Variants in NMD3 observed in about 807,000 individuals in gnomAD.
The protein encoded by NMD3 is 60S ribosomal export protein NMD3.
NMD3 carries 47 observed loss-of-function variants against 73.1 expected under a neutral mutation model. That is an observed-to-expected ratio of 0.64 (90% CI 0.51 to 0.82). NMD3 has a LOEUF of 0.82. Among genes scored for constraint, NMD3 ranks in the 40% least tolerant of loss-of-function variants. The pLI, the probability that NMD3 is intolerant of heterozygous loss-of-function variation, is 0.00. For missense variants in NMD3, 554 were observed against 612.5 expected, an observed-to-expected ratio of 0.90 and a Z score of 1.01; for synonymous variants, 210 against 194.5, an observed-to-expected ratio of 1.08 and a Z score of -0.66.
intron 11 of NMD3, among the ~76,000 whole-genome samples, chr3:161,243,604 A>G (rs1468597627): frequency 6.6e-6 from 1 of 152,120 alleles, no homozygotes; most frequent in Non-Finnish European, 1.5e-5. Context: ...CAACTAGTGC[A>G]TTTATCTTGT....
intron 7 of NMD3, 148 bp from the exon 8 acceptor site, chr3:161,237,965 G>A (rs1736828319): frequency 2.1e-6 from 1 of 482,160 alleles, no homozygotes; most frequent in Admixed American, 4.0e-5. Flanking sequence ...AGTCTTAAGT[G>A]ATATCTCTAA....
chr3:161,235,790 C>G (rs1026127476), intron 7 of NMD3, among the ~76,000 whole-genome samples: 9 of 152,044 alleles, frequency 5.9e-5, no homozygotes, highest in Admixed American at 3.9e-4. Context: ...ACCATTTCAT[C>G]TAGCTTTTTA....
chr3:161,252,990 G>T, downstream of NMD3: 1 of 346,740 alleles, frequency 2.9e-6, no homozygotes, highest in Non-Finnish European at 5.3e-6. Flanking sequence ...CCAGCTACTC[G>T]GGACGCTGAG....
chr3:161,235,229 A>T lies in NMD3; in HGVS notation c.577+17A>T, dbSNP rs767236047. 1.6e-6 allele frequency: 2 copies of T among 1,213,714 alleles called. No individual in the cohort carries two copies. The highest frequency in any genetic ancestry group is 4.5e-5 in the Admixed American group (2 of 44,880). 75.2% of individuals were successfully genotyped at this position (1,213,714 alleles called of 1,614,324 possible). A position where few individuals can be genotyped will look rare whatever the true frequency, so the allele number is the denominator to read the frequency against. On this transcript the variant is annotated intron_variant, in intron 7 of 15. Transcript: ENST00000351193. ...AGATTCATGGTGAGTTAAAACTCAA[A>T]AGCATTTGAAATTATGTCAGATTTT...
chr3:161,228,235 A>C (rs1736399532), intron 4 of NMD3, among the ~76,000 whole-genome samples: 1 of 152,168 alleles, frequency 6.6e-6, no homozygotes, highest in African/African-American at 2.4e-5. Flanking sequence ...AGCTCTAATA[A>C]AATTTCATGT....
rs781518343 is a variant in NMD3 at position 161,224,980 on chromosome 3, G to A, written c.95G>A (p.Cys32Tyr). The change falls in exon 3 of 16, where the codon TGT becomes TAT. Residue 32 changes from cysteine (C) to tyrosine (Y), a missense_variant. By Grantham distance (194) the Cys-to-Tyr change is radical. Transcript: ENST00000351193. The part of the protein sequence containing the change: ...VPISPNPANI[C>Y]VACLRSKVDI... The stretch of plus-strand genomic sequence containing the variant: ...ATAAGTCCAAATCCTGCCAATATTT[G>A]TGTGGCCTGTTTGCGAAGTAAAGTG... 6.2e-7 allele frequency: 1 copy of A among 1,613,920 alleles called. No individual in the cohort carries two copies. The highest frequency in any genetic ancestry group is 8.5e-7 in the Non-Finnish European group (1 of 1,179,930).
In NMD3 at chr3:161,250,686, A is replaced by C. The variant is rs1275228957; in HGVS notation, c.1382-94A>C. ...ACAATGTAGTTACATAATAATAATG[A>C]TAAGGTAGATATTTGTATATTTTCA... On this transcript the variant is annotated intron_variant, in intron 15 of 15. Coordinates refer to ENST00000351193, the MANE Select transcript of NMD3 (RefSeq NM_015938.5). The C allele has an allele frequency of 1.2e-5, 9 of 736,504 alleles. No individual in the cohort carries two copies. In the East Asian group the frequency reaches 2.5e-4, roughly 21 times the overall value. 45.6% of individuals were successfully genotyped at this position (736,504 alleles called of 1,614,324 possible).
intron 13 of NMD3, among the ~76,000 whole-genome samples, chr3:161,248,919 A>C (rs944977532): frequency 6.6e-6 from 1 of 152,194 alleles, no homozygotes; most frequent in Non-Finnish European, 1.5e-5. Flanking sequence ...GCGTGGTTGG[A>C]GTGTAAGTCT....
Position 161,249,313 on chromosome 3 carries a change from G to A in NMD3, c.1204-141G>A, listed in dbSNP as rs571527397. 5.7e-5 allele frequency: 29 copies of A among 507,234 alleles called. 2 individuals carry two copies. In the South Asian group the frequency reaches 1.2e-3, roughly 21 times the overall value. The allele number at this position is 507,234 out of a possible 1,614,324, so 31.4% of individuals were successfully genotyped here. On this transcript the variant is annotated intron_variant, in intron 13 of 15. Transcript: ENST00000351193. ...GGAGAAAAATTTTAAAAGTCCTCTT[G>A]ACACTGTCTCTCCATCCCTTCTCCT...
chr3:161,253,530 T>C (rs150180626), downstream of NMD3: 41 of 149,142 alleles, frequency 2.7e-4, no homozygotes, highest in African/African-American at 9.8e-4. Context: ...AATGCAGACA[T>C]GATGCTTCTT....
rs748045043 is a variant in NMD3, at chr3:161,235,181, T to G, written c.546T>G (p.His182Gln). 12 of 1,555,694 alleles carry G rather than the reference T, an allele frequency of 7.7e-6. No individual in the cohort carries two copies. Among genetic ancestry groups the G allele is most frequent in the Non-Finnish European group, 1.1e-5 (12 of 1,137,952 alleles). The change falls in exon 7 of 16, where the codon CAT (histidine) becomes CAG (glutamine). Residue 182 changes from histidine to glutamine, a missense_variant. By Grantham distance (24) the His-to-Gln change is conservative. Coordinates refer to ENST00000351193, the MANE Select transcript of NMD3 (RefSeq NM_015938.5). ...AGTTAATTCTGAAATATGGAATGCATCAGAATACACTTCGTATCAAAGAGA... is the reference window on the plus strand; with the variant it reads ...AGTTAATTCTGAAATATGGAATGCAGCAGAATACACTTCGTATCAAAGAGA... ...LEQLILKYGM[H>Q]QNTLRIKEIH...
chr3:161,244,653 T>C (rs1339980202), intron 11 of NMD3, among the ~76,000 whole-genome samples: 1 of 150,612 alleles, frequency 6.6e-6, no homozygotes, highest in Non-Finnish European at 1.5e-5. Context: ...TTTTTTTTTT[T>C]TTTTAAAGAG....
chr3:161,250,101 G>A (rs1053414228), intron 14 of NMD3, among the ~76,000 whole-genome samples, 155 bp from the exon 15 acceptor site: 3 of 152,090 alleles, frequency 2.0e-5, no homozygotes, highest in African/African-American at 4.8e-5. Flanking sequence ...TGAAGACACC[G>A]ATGTCTAAAA....
At chr3:161,233,232 G>A (rs1021891165) in intron 4 of NMD3, among the ~76,000 whole-genome samples, 167 bp from the exon 5 acceptor site, 2 of 151,070 alleles carry the variant, frequency 1.3e-5, no homozygotes, top group Non-Finnish European at 2.9e-5. Context: ...TGCTGCTGTT[G>A]TTACGTAACC....
In NMD3 at chr3:161,221,833, A is replaced by C. The variant is rs1576837745; in HGVS notation, c.-20-161A>C. 5.9e-6 allele frequency: 3 copies of C among 507,676 alleles called. No individual in the cohort carries two copies. In the East Asian group the frequency reaches 9.3e-5, roughly 16 times the overall value. 31.4% of individuals were successfully genotyped at this position (507,676 alleles called of 1,614,324 possible). On this transcript the variant is annotated intron_variant, in intron 1 of 15. Coordinates refer to ENST00000351193, the MANE Select transcript of NMD3 (RefSeq NM_015938.5). ...AAAGTTCTTTTTAACGAACTTACCC[A>C]GTGGAGTTGGGTTTCCTTCTTTCCT...
chr3:161,243,759 T>G (rs1737083173), intron 11 of NMD3, among the ~76,000 whole-genome samples: 1 of 152,218 alleles, frequency 6.6e-6, no homozygotes, highest in Non-Finnish European at 1.5e-5. Context: ...GCCAGAATAT[T>G]TCAGAGATGA....
At position 161,221,979 on chromosome 3, in the gene NMD3, TTTTTTTTTTA is replaced by T. The variant is rs1270669596; in HGVS notation, c.-20-14_-20-5del. 2.8e-5 allele frequency: 35 copies of T among 1,238,926 alleles called. No homozygotes were observed. The highest frequency in any genetic ancestry group is 6.6e-5 in the African/African-American group (3 of 45,404). 76.7% of individuals were successfully genotyped at this position (1,238,926 alleles called of 1,614,324 possible). A position where few individuals can be genotyped will look rare whatever the true frequency, so the allele number is the denominator to read the frequency against. The stretch of plus-strand genomic sequence containing the variant: ...TTCTCTTTTTTTTTTTTTTTTTTTT[TTTTTTTTTTA>T]AAAGAACTTAAGGCATACAGAACGA... On this transcript the variant is annotated splice_region_variant and splice_polypyrimidine_tract_variant and intron_variant, in intron 1 of 15. Coordinates refer to ENST00000351193, the MANE Select transcript of NMD3 (RefSeq NM_015938.5).
rs1378623537 is a variant in NMD3, at chr3:161,249,525, AAGAG to A, written c.1283_1286del (p.Arg428LysfsTer74). ...GAAACTGGAAATTGAAAGAGCTTGC[AAGAG>A]AGAGAGAAAACATGGATACAGATGA... On this transcript the variant is annotated frameshift_variant, in exon 14 of 16. Coordinates refer to ENST00000351193, the MANE Select transcript of NMD3 (RefSeq NM_015938.5). LOFTEE classifies it high-confidence loss of function. 1 of 1,612,510 alleles carries A rather than the reference AAGAG, an allele frequency of 6.2e-7. No homozygotes were observed. The highest frequency in any genetic ancestry group is 2.2e-5 in the East Asian group (1 of 44,792).
In NMD3 at chr3:161,250,978, A is replaced by G; in HGVS notation, c.*68A>G. 3.1e-6 allele frequency: 4 copies of G among 1,307,284 alleles called. No individual in the cohort carries two copies. The highest frequency in any genetic ancestry group is 2.4e-5 in the East Asian group (1 of 41,880). The allele number at this position is 1,307,284 out of a possible 1,614,324, so 81.0% of individuals were successfully genotyped here. On this transcript the variant is annotated 3_prime_UTR_variant, in exon 16 of 16. Coordinates refer to ENST00000351193, the MANE Select transcript of NMD3 (RefSeq NM_015938.5). ...GGACAGAGTTACCTTAAGTGTCTCT[A>G]CTATCTTTGCCTCCAGATTTCAAGA...
Sources: allele counts gnomAD v4.1 joint callset (sites outside exome capture counted in the v4.1 genomes callset), GRCh38; gene constraint gnomAD v4.1.1; transcripts MANE v1.5; gene names NCBI Gene and HGNC (gene_info 2026-07-23, HGNC 2026-07-21).